The following ITPR1 variants were observed in gnomAD, a reference collection of about 807,000 sequenced individuals.
The protein encoded by ITPR1 is inositol 1,4,5-trisphosphate receptor type 1.
In ITPR1, 96 loss-of-function variants were observed where a neutral mutation model predicts 318.4. The ratio of observed to expected loss-of-function variants is 0.30; its 90% CI spans 0.26 to 0.36. The LOEUF (loss-of-function observed/expected upper bound fraction) is 0.36, where lower values mean the gene tolerates loss of function less well. Ranked by LOEUF, ITPR1 falls within the 10% of genes least tolerant of loss-of-function variation. ITPR1 has a pLI of 1.00. For missense variants in ITPR1, 2,440 were observed against 3,460.2 expected, an observed-to-expected ratio of 0.71 and a Z score of 7.40; for synonymous variants, 1,312 against 1,289.9, an observed-to-expected ratio of 1.02 and a Z score of -0.37.
At chr3:4,606,856 G>A (rs1336944300) in intron 4 of ITPR1, among the ~76,000 whole-genome samples, 1 of 152,074 alleles carries the variant, frequency 6.6e-6, no homozygotes, top group Non-Finnish European at 1.5e-5. Flanking sequence ...CAAGTTTCTG[G>A]CAGAGGGAAG....
intron 44 of ITPR1, among the ~76,000 whole-genome samples, chr3:4,764,701 A>G (rs1344805259): frequency 2.0e-5 from 3 of 152,196 alleles, no homozygotes; most frequent in Admixed American, 1.3e-4. Flanking sequence ...CTAGGAATAT[A>G]AGAATAGGGC....
intron 4 of ITPR1, among the ~76,000 whole-genome samples, chr3:4,527,738 G>A (rs998677342): frequency 3.9e-5 from 6 of 152,134 alleles, no homozygotes; most frequent in Non-Finnish European, 7.3e-5. Context: ...TGGCTATAAT[G>A]AGCCGCTCTT....
At chr3:4,685,260 G>A in intron 30 of ITPR1, 54 bp downstream of exon 30, 1 of 1,518,608 alleles carries the variant, frequency 6.6e-7, no homozygotes, top group Non-Finnish European at 8.8e-7. Context: ...GGATCCCTGG[G>A]TTTCCCCAAA....
At position 4,834,538 on chromosome 3, in the gene ITPR1, C is replaced by T. The variant is rs78097515; in HGVS notation, c.8029-2236C>T. ...CAGCCCACGTCATCCCTCCTCCCCT[C>T]GCCCTAGTGGGAGTGAGTGATCACC... On this transcript the variant is annotated intron_variant, in intron 60 of 61. Transcript: ENST00000649015. Among the ~76,000 whole-genome samples, 100 of 152,302 alleles carry T rather than the reference C, an allele frequency of 6.6e-4. 2 individuals carry two copies. The East Asian group carries it at 0.015, about 24-fold the overall frequency.
rs888252933 is a variant in ITPR1 at position 4,496,609 on chromosome 3, C to T, written c.-17+2103C>T. Reference sequence around the variant, plus strand: ...TAGAAAAAAAGAGATAGATGAACTCCACAGAAAGATCAAGAGTCTTTTCTT... The same window carrying T: ...TAGAAAAAAAGAGATAGATGAACTCTACAGAAAGATCAAGAGTCTTTTCTT... On this transcript the variant is annotated intron_variant, in intron 2 of 61. Coordinates refer to ENST00000649015, the MANE Select transcript of ITPR1 (RefSeq NM_001378452.1). Among the ~76,000 whole-genome samples, 3 of 152,124 alleles carry T rather than the reference C, an allele frequency of 2.0e-5. No homozygotes were observed. The East Asian group carries it at 5.8e-4, about 29-fold the overall frequency.
chr3:4,658,160 C>T lies in ITPR1; in HGVS notation c.1033C>T (p.Arg345Trp), dbSNP rs369055445. The change falls in exon 13 of 62, where the codon CGG becomes TGG. Residue 345 changes from arginine (R) to tryptophan (W), a missense_variant. Around this residue, in one of 23 missense-constraint regions of ITPR1, gnomAD observed 101 missense variants for 119.6 expected, o/e 0.84. Transcript: ENST00000649015. ...TCAGGACGCCTCTCGAAGTAGGTTG[C>T]GGAATGCCCAAGAAAAGATGGTATA... is the stretch of plus-strand genomic sequence containing the variant. ...PDQDASRSRL[R>W]NAQEKMVYSL... 4.5e-5 allele frequency: 72 copies of T among 1,612,774 alleles called. 1 individual carries two copies. Among genetic ancestry groups the T allele is most frequent in the East Asian group, 2.0e-4 (9 of 44,826 alleles).
intron 61 of ITPR1, among the ~76,000 whole-genome samples, chr3:4,837,709 C>CTT (rs1436279717): frequency 1.3e-5 from 2 of 152,116 alleles, no homozygotes; most frequent in Admixed American, 1.3e-4. Flanking sequence ...TGTTTCTGCC[C>CTT]TTTTGACTCC....
At chr3:4,573,934 C>T (rs577478145) in intron 4 of ITPR1, among the ~76,000 whole-genome samples, 1 of 152,300 alleles carries the variant, frequency 6.6e-6, no homozygotes, top group Admixed American at 6.5e-5. Flanking sequence ...ATCTCAGCAT[C>T]TGAAAGAATG....
intron 2 of ITPR1, among the ~76,000 whole-genome samples, chr3:4,510,704 G>A (rs1407970671): frequency 6.6e-6 from 1 of 152,218 alleles, no homozygotes; most frequent in Non-Finnish European, 1.5e-5. Context: ...AATTGCACAA[G>A]TAAATGTGAA....
At chr3:4,734,498 A>G (rs1464638609) in intron 43 of ITPR1, among the ~76,000 whole-genome samples, 3 of 152,234 alleles carry the variant, frequency 2.0e-5, no homozygotes, top group Non-Finnish European at 4.4e-5. Context: ...TGATCAGCCC[A>G]TTTCTCCATG....
chr3:4,735,452 G>A, intron 44 of ITPR1, 98 bp downstream of exon 44: 2 of 993,884 alleles, frequency 2.0e-6, no homozygotes, highest in Non-Finnish European at 3.1e-6. Context: ...AGCCTTGTTT[G>A]AGAGACAGCT....
At chr3:4,741,784 C>T (rs2043724898) in intron 44 of ITPR1, among the ~76,000 whole-genome samples, 1 of 152,136 alleles carries the variant, frequency 6.6e-6, no homozygotes, top group African/African-American at 2.4e-5. Flanking sequence ...GGCAGTCACC[C>T]TGAGGAGGAG....
In ITPR1 at chr3:4,771,101, G is replaced by A. The variant is rs574820005; in HGVS notation, c.5979+2337G>A. On this transcript the variant is annotated intron_variant, in intron 46 of 61. Transcript: ENST00000649015. The stretch of plus-strand genomic sequence containing the variant: ...CTCTGCCAGCCTTGGAGTCCACAGG[G>A]GAAGTAGGTTGAGATGATGCCCAGG... Among the ~76,000 whole-genome samples, 20 of 152,274 alleles carry A rather than the reference G, an allele frequency of 1.3e-4. No homozygotes were observed. The South Asian group carries it at 4.1e-3, about 32-fold the overall frequency.
At chr3:4,652,034 C>G (rs950418310) in intron 10 of ITPR1, 89 bp from the exon 11 acceptor site, 4 of 999,118 alleles carry the variant, frequency 4.0e-6, no homozygotes, top group African/African-American at 1.6e-5. Context: ...ATAAACATCC[C>G]TCCTGAACTA....
intron 4 of ITPR1, among the ~76,000 whole-genome samples, chr3:4,561,163 T>C (rs9822773): frequency 0.56 from 84,397 of 152,012 alleles, 23,925 homozygotes; most frequent in African/African-American, 0.65. Flanking sequence ...TGAGTCGTTT[T>C]GAATAAATAG....
At chr3:4,811,820 G>A (rs951889721) in intron 56 of ITPR1, among the ~76,000 whole-genome samples, 3 of 152,180 alleles carry the variant, frequency 2.0e-5, no homozygotes, top group Non-Finnish European at 2.9e-5. Context: ...AAAGGCTGCC[G>A]ACTGTGCACG....
rs769349793 is a variant in ITPR1, at chr3:4,735,174, C to T, written c.5364C>T (p.Ser1788=). The T allele has an allele frequency of 2.2e-5, 35 of 1,612,384 alleles. No individual in the cohort carries two copies. The highest frequency in any genetic ancestry group is 3.3e-5 in the South Asian group (3 of 91,060). The part of the protein sequence containing the change: ...PGKPGGGGGG[S]GSSSMSRGEM... ...ATTCCATCTTCTTAGGGGGAGGTTC[C>T]GGATCCAGCTCTATGAGCAGGGGTG... The change falls in exon 44 of 62, where the codon TCC becomes TCT. Residue 1788 remains serine, a synonymous_variant. Coordinates refer to ENST00000649015, the MANE Select transcript of ITPR1 (RefSeq NM_001378452.1).
At chr3:4,734,273 A>G (rs1290263176) in intron 43 of ITPR1, among the ~76,000 whole-genome samples, 1 of 152,194 alleles carries the variant, frequency 6.6e-6, no homozygotes, top group Non-Finnish European at 1.5e-5. Context: ...TCATTTAACA[A>G]TTATGTGAAG....
At chr3:4,755,169 A>AT (rs35849657) in intron 44 of ITPR1, among the ~76,000 whole-genome samples, 158 of 131,336 alleles carry the variant, frequency 1.2e-3, no homozygotes, top group East Asian at 4.7e-3. Flanking sequence ...AATACCTTTA[A>AT]TTTTTTTTTT....
Sources: gnomAD v4.1 joint callset for allele counts (sites outside exome capture counted in the v4.1 genomes callset) on GRCh38, gnomAD v4.1.1 for gene constraint, gnomAD v4.1.1 regional missense constraint, MANE v1.5 for transcripts, NCBI Gene and HGNC (gene_info 2026-07-23, HGNC 2026-07-21) for gene names.